KYAT3: variants seen among roughly 807,000 people sequenced by gnomAD.
The protein encoded by KYAT3 is kynurenine aminotransferase 3.
KYAT3 carries 50 observed loss-of-function variants against 59.0 expected under a neutral mutation model. The ratio of observed to expected loss-of-function variants is 0.85; its 90% CI spans 0.68 to 1.07. KYAT3 has a LOEUF of 1.07. KYAT3 is among the 50% of genes least tolerant of loss of function. KYAT3 has a pLI of 0.00. For missense variants in KYAT3, 497 were observed against 533.3 expected (o/e 0.93, Z 0.67); for synonymous variants, 148 against 177.0 (o/e 0.84, Z 1.30).
intron 9 of KYAT3, among the ~76,000 whole-genome samples, chr1:88,954,131 G>A (rs12057703): frequency 6.6e-6 from 1 of 151,904 alleles, no homozygotes; most frequent in African/African-American, 2.4e-5. Context: ...CTCCTGACCT[G>A]AGGTGATCTA....
rs564133178 is a variant in KYAT3 at position 88,984,657 on chromosome 1, A to C, written c.99+3595T>G. Among the ~76,000 whole-genome samples the C allele has an allele frequency of 9.8e-4, 150 of 152,324 alleles. 1 individual carries two copies. Among genetic ancestry groups the C allele is most frequent in the African/African-American group, 3.6e-3 (148 of 41,582 alleles). ...GCAATTTGGACTCCCTCTGAGAGAT[A>C]ATGTATTTGGGGAAAAAATTGTACT... On this transcript the variant is annotated intron_variant, in intron 2 of 13. Coordinates refer to ENST00000260508, the MANE Select transcript of KYAT3 (RefSeq NM_001008661.3).
chr1:88,991,742 G>A lies in KYAT3; in HGVS notation c.-2+843C>T, dbSNP rs141539186. On this transcript the variant is annotated intron_variant, in intron 1 of 13. Coordinates refer to ENST00000260508, the MANE Select transcript of KYAT3 (RefSeq NM_001008661.3). ...ACTTCTCCAGAAGGAAAGCAGTGCG[G>A]CTGCCTGGCTGATAGCAGGAATTCG... is the stretch of plus-strand genomic sequence containing the variant. Among the ~76,000 whole-genome samples the A allele has an allele frequency of 4.0e-4, 61 of 152,356 alleles. No homozygotes were observed. In the East Asian group the frequency reaches 6.9e-3, roughly 17 times the overall value.
chr1:88,987,972 T>C (rs1677565198), intron 2 of KYAT3, among the ~76,000 whole-genome samples: 1 of 152,238 alleles, frequency 6.6e-6, no homozygotes. Context: ...CTTCTACTTT[T>C]TTCCCATGCC....
chr1:88,945,802 G>T (rs10436917), intron 11 of KYAT3, among the ~76,000 whole-genome samples: 5,812 of 152,272 alleles, frequency 0.038, 320 homozygotes, highest in African/African-American at 0.12. Flanking sequence ...CATTGCAAAT[G>T]AAGCAGATGA....
chr1:88,982,663 G>C (rs757439198), intron 2 of KYAT3: 2 of 1,601,764 alleles, frequency 1.2e-6, no homozygotes, highest in Admixed American at 1.7e-5. Context: ...TCTAGTATCT[G>C]CTTCTGCCTC....
At chr1:88,957,993 T>C (rs1304662908) in intron 8 of KYAT3, among the ~76,000 whole-genome samples, 1 of 152,192 alleles carries the variant, frequency 6.6e-6, no homozygotes, top group Non-Finnish European at 1.5e-5. Context: ...TCTCTGTTTA[T>C]ATATTCCCCT....
chr1:88,963,177 T>C (rs1570803063), intron 5 of KYAT3, among the ~76,000 whole-genome samples: 1 of 152,066 alleles, frequency 6.6e-6, no homozygotes, highest in South Asian at 2.1e-4. Flanking sequence ...GTCAGTATGA[T>C]AGCAAGTGAC....
At chr1:88,979,242 T>C (rs2101073901) in intron 2 of KYAT3, among the ~76,000 whole-genome samples, 1 of 152,248 alleles carries the variant, frequency 6.6e-6, no homozygotes, top group South Asian at 2.1e-4. Context: ...TTATCTCAGT[T>C]TGCATTTCTT....
rs778039304 is a variant in KYAT3, at chr1:88,949,217, A to T, written c.1015T>A (p.Phe339Ile). ...TCTAACTCTTTTGGCAAAGAATTAA[A>T]GTAACATTCTGGGTCATCCATGCGC... ...IKRMDDPECY[F>I]NSLPKELEVK... Residue 339 changes from phenylalanine to isoleucine, a missense_variant, in exon 11 of 14, where the codon TTT becomes ATT. This residue lies in a region of KYAT3 where 469 missense variants were observed against 479.1 expected (regional missense o/e 0.98). Transcript: ENST00000260508. 1 of 1,609,814 alleles carries T rather than the reference A, an allele frequency of 6.2e-7. No individual in the cohort carries two copies. Among genetic ancestry groups the T allele is most frequent in the Admixed American group, 1.7e-5 (1 of 58,888 alleles).
intron 8 of KYAT3, among the ~76,000 whole-genome samples, chr1:88,960,735 T>C (rs2101043697): frequency 6.6e-6 from 1 of 152,274 alleles, no homozygotes; most frequent in Non-Finnish European, 1.5e-5. Context: ...CCAGTAGTAA[T>C]GGCTGAATCT....
intron 11 of KYAT3, among the ~76,000 whole-genome samples, chr1:88,945,201 T>C (rs1057378576): frequency 6.6e-6 from 1 of 152,190 alleles, no homozygotes; most frequent in African/African-American, 2.4e-5. Flanking sequence ...ATAAATATAA[T>C]TATAAAGGTT....
At chr1:88,924,400 C>A in the KYAT3 span, among the ~76,000 whole-genome samples, 280 of 152,324 alleles carry the variant, frequency 1.8e-3, 1 homozygote, top group African/African-American at 6.4e-3. Flanking sequence ...TTTCCCCATC[C>A]TCCTCCCATT....
At chr1:88,983,394 C>G in intron 2 of KYAT3, 1 of 1,614,154 alleles carries the variant, frequency 6.2e-7, no homozygotes, top group Non-Finnish European at 8.5e-7. Flanking sequence ...GGGAGTGGTC[C>G]CCTGGAAGAA....
intron 2 of KYAT3, chr1:88,982,993 T>A (rs757891376): frequency 1.2e-6 from 2 of 1,613,322 alleles, no homozygotes; most frequent in East Asian, 2.2e-5. Context: ...TGTAGGAACC[T>A]CCACTTGGAT....
At chr1:88,978,766 C>G (rs1392974250) in intron 2 of KYAT3, among the ~76,000 whole-genome samples, 1 of 151,902 alleles carries the variant, frequency 6.6e-6, no homozygotes, top group Non-Finnish European at 1.5e-5. Context: ...CTGTCTTGGC[C>G]TCTCAAAGTG....
intron 2 of KYAT3, among the ~76,000 whole-genome samples, chr1:88,977,016 T>C (rs1023341070): frequency 6.6e-6 from 1 of 151,872 alleles, no homozygotes; most frequent in Non-Finnish European, 1.5e-5. Context: ...AAAGGTTCTG[T>C]TCTGTTTTGT....
chr1:88,969,456 C>CACAAAA lies in KYAT3; in HGVS notation c.110_111insTTTTGT (p.Leu37_Lys38insPheVal). 6.3e-7 allele frequency: 1 copy of CACAAAA among 1,576,144 alleles called. No individual in the cohort carries two copies. Among genetic ancestry groups the CACAAAA allele is most frequent in the Non-Finnish European group, 8.7e-7 (1 of 1,147,462 alleles). On this transcript the variant is annotated inframe_insertion, in exon 3 of 14. Coordinates refer to ENST00000260508, the MANE Select transcript of KYAT3 (RefSeq NM_001008661.3). Reference sequence around the variant, plus strand: ...CAATCCGTTTTGCATTTGTGAATTTCAGTGACATTTTCTGAAATATATAAA... The same window carrying CACAAAA: ...CAATCCGTTTTGCATTTGTGAATTTCACAAAAAGTGACATTTTCTGAAATATATAAA...
chr1:88,989,540 C>G (rs998250089), intron 1 of KYAT3, among the ~76,000 whole-genome samples: 2 of 152,176 alleles, frequency 1.3e-5, no homozygotes, highest in African/African-American at 4.8e-5. Context: ...TATGGCGCAG[C>G]TGTCCCAAAA....
At chr1:88,971,408 T>C (rs1298556105) in intron 2 of KYAT3, among the ~76,000 whole-genome samples, 1 of 152,224 alleles carries the variant, frequency 6.6e-6, no homozygotes, top group East Asian at 1.9e-4. Context: ...ATTTCAGTAG[T>C]TTCATGTGTG....
Sources: allele counts gnomAD v4.1 joint callset (sites outside exome capture counted in the v4.1 genomes callset), GRCh38; gene constraint gnomAD v4.1.1; regional missense constraint gnomAD v4.1.1; transcripts MANE v1.5; gene names NCBI Gene and HGNC (gene_info 2026-07-23, HGNC 2026-07-21).